The following DPP10 variants were observed in gnomAD, a reference collection of about 807,000 sequenced individuals.
DPP10 encodes the protein dipeptidyl peptidase like 10, also known as inactive dipeptidyl peptidase 10.
A neutral mutation model predicts 120.9 loss-of-function variants in DPP10; 33 were observed. The observed-to-expected ratio is 0.27, with a 90% confidence interval of 0.21 to 0.37. The LOEUF (loss-of-function observed/expected upper bound fraction) is 0.37. DPP10 is among the 10% of genes least tolerant of loss of function. The pLI is 1.00. For missense variants in DPP10, 816 were observed against 942.8 expected (o/e 0.87, Z 1.76); for synonymous variants, 337 against 326.1 (o/e 1.03, Z -0.36).
chr2:115,791,063 A>G lies in DPP10; in HGVS notation c.1532-18A>G. On this transcript the variant is annotated intron_variant, in intron 17 of 25. Transcript: ENST00000410059. Reference sequence around the variant, plus strand: ...TGCATAGGGGTTAGCTATTTACACTACCCTTTTTGGTTTACAGAATATTTT... The same window carrying G: ...TGCATAGGGGTTAGCTATTTACACTGCCCTTTTTGGTTTACAGAATATTTT... The G allele has an allele frequency of 6.3e-7, 1 of 1,587,520 alleles. No homozygotes were observed. The highest frequency in any genetic ancestry group is 8.6e-7 in the Non-Finnish European group (1 of 1,159,990).
intron 1 of DPP10, among the ~76,000 whole-genome samples, chr2:115,263,886 A>G (rs925719721): frequency 2.0e-5 from 3 of 150,824 alleles, no homozygotes; most frequent in Admixed American, 2.0e-4. Flanking sequence ...AAGGGATTCA[A>G]AACACACACA....
chr2:115,375,284 G>A (rs1476323745), intron 3 of DPP10, among the ~76,000 whole-genome samples: 2 of 152,124 alleles, frequency 1.3e-5, no homozygotes, highest in Non-Finnish European at 2.9e-5. Context: ...AAGTTTCACA[G>A]ATCCCTAGAG....
chr2:114,517,554 G>T (rs1323966012), intron 1 of DPP10, among the ~76,000 whole-genome samples: 1 of 151,870 alleles, frequency 6.6e-6, no homozygotes, highest in Non-Finnish European at 1.5e-5. Flanking sequence ...TGTCTTCATG[G>T]TAAGATAATC....
At chr2:114,648,351 C>T (rs1558965424) in intron 1 of DPP10, among the ~76,000 whole-genome samples, 1 of 152,154 alleles carries the variant, frequency 6.6e-6, no homozygotes. Context: ...AATCTCAGAC[C>T]CTTCACAGTT....
chr2:115,732,619 CTTTTAAAAT>C (rs1553491760), intron 8 of DPP10, among the ~76,000 whole-genome samples: 1 of 152,032 alleles, frequency 6.6e-6, no homozygotes, highest in Non-Finnish European at 1.5e-5. Context: ...ACTTTAAAAA[CTTTTAAAAT>C]GTTACTAAAA....
At chr2:115,096,801 T>C (rs958561774) in intron 1 of DPP10, among the ~76,000 whole-genome samples, 3 of 152,188 alleles carry the variant, frequency 2.0e-5, no homozygotes, top group African/African-American at 7.2e-5. Context: ...TGTTCCTCTA[T>C]GAAATATTGA....
chr2:115,810,594 G>A (rs1686533189), intron 19 of DPP10, among the ~76,000 whole-genome samples: 1 of 152,146 alleles, frequency 6.6e-6, no homozygotes, highest in South Asian at 2.1e-4. Context: ...TGAGGATTCT[G>A]CCCTCAAAGA....
intron 1 of DPP10, among the ~76,000 whole-genome samples, chr2:114,741,102 T>G (rs894126536): frequency 1.9e-4 from 29 of 152,320 alleles, no homozygotes; most frequent in Admixed American, 1.2e-3. Context: ...ATAAAGAACT[T>G]GAAGCTCAAA....
intron 1 of DPP10, among the ~76,000 whole-genome samples, chr2:115,077,172 T>C (rs528765222): frequency 3.2e-4 from 48 of 152,316 alleles, no homozygotes; most frequent in South Asian, 2.9e-3. Context: ...CCAAGTGCTA[T>C]TTGTAATCAT....
At position 115,381,130 on chromosome 2, in the gene DPP10, TA is replaced by T. The variant is rs201516296; in HGVS notation, c.271+37220del. ...GCTAAATTGGGGAAATTCTCCTGGA[TA>T]ATATCCTGCAGAGTATTTTCCAACT... On this transcript the variant is annotated intron_variant, in intron 3 of 25. Transcript: ENST00000410059. Among the ~76,000 whole-genome samples, 5 of 152,350 alleles carry T rather than the reference TA, an allele frequency of 3.3e-5. No individual in the cohort carries two copies. The East Asian group carries it at 7.7e-4, about 24-fold the overall frequency.
intron 5 of DPP10, among the ~76,000 whole-genome samples, chr2:115,613,520 G>A (rs1252603935): frequency 1.3e-5 from 2 of 152,048 alleles, no homozygotes; most frequent in African/African-American, 2.4e-5. Context: ...GCCTCTCCAC[G>A]ATGTAAAATC....
intron 1 of DPP10, among the ~76,000 whole-genome samples, chr2:114,694,087 G>A (rs1043032334): frequency 6.6e-6 from 1 of 151,954 alleles, no homozygotes; most frequent in African/African-American, 2.4e-5. Flanking sequence ...GGGTAAGATA[G>A]AGATAAATCC....
At chr2:114,613,543 G>A (rs1259170007) in intron 1 of DPP10, among the ~76,000 whole-genome samples, 1 of 152,112 alleles carries the variant, frequency 6.6e-6, no homozygotes, top group Non-Finnish European at 1.5e-5. Flanking sequence ...CAACCATTGT[G>A]GAAGACAGTG....
At chr2:115,056,579 G>A (rs1705933826) in intron 1 of DPP10, among the ~76,000 whole-genome samples, 1 of 152,010 alleles carries the variant, frequency 6.6e-6, no homozygotes, top group African/African-American at 2.4e-5. Context: ...GGTCTGTCTT[G>A]AACTCCTGGC....
chr2:114,964,214 G>A (rs1201532066), intron 1 of DPP10, among the ~76,000 whole-genome samples: 1 of 152,110 alleles, frequency 6.6e-6, no homozygotes, highest in Non-Finnish European at 1.5e-5. Flanking sequence ...TACAAATGGG[G>A]AATTATTATT....
chr2:115,554,424 A>C (rs1189989338), intron 5 of DPP10, among the ~76,000 whole-genome samples: 1 of 151,946 alleles, frequency 6.6e-6, no homozygotes, highest in Non-Finnish European at 1.5e-5. Flanking sequence ...ACATCTGAAG[A>C]CTAAGAATTT....
chr2:115,130,607 C>G (rs1470575573), intron 1 of DPP10, among the ~76,000 whole-genome samples: 2 of 152,030 alleles, frequency 1.3e-5, no homozygotes, highest in South Asian at 2.1e-4. Flanking sequence ...TTCTGACTTT[C>G]AAGACTTCAA....
At chr2:115,092,551 GC>G in intron 1 of DPP10, among the ~76,000 whole-genome samples, 1 of 152,152 alleles carries the variant, frequency 6.6e-6, no homozygotes, top group African/African-American at 2.4e-5. Context: ...GTAAAGGACA[GC>G]TTTTTGTTTT....
chr2:115,698,396 T>C (rs2091710386), intron 7 of DPP10, among the ~76,000 whole-genome samples: 1 of 152,214 alleles, frequency 6.6e-6, no homozygotes, highest in Non-Finnish European at 1.5e-5. Context: ...TACTTACTGC[T>C]GTGGAATTAA....
Sources: gnomAD v4.1 joint callset for allele counts (sites outside exome capture counted in the v4.1 genomes callset) on GRCh38, gnomAD v4.1.1 for gene constraint, MANE v1.5 for transcripts, NCBI Gene and HGNC (gene_info 2026-07-23, HGNC 2026-07-21) for gene names.